GMDS: variants seen among roughly 807,000 people sequenced by gnomAD.
GMDS encodes the protein GDP-mannose 4,6 dehydratase.
A neutral mutation model predicts 49.9 loss-of-function variants in GMDS; 20 were observed. The ratio of observed to expected loss-of-function variants is 0.40; its 90% CI spans 0.28 to 0.58. The LOEUF (loss-of-function observed/expected upper bound fraction) is 0.58. Among genes scored for constraint, GMDS ranks in the 20% least tolerant of loss-of-function variants. The probability of loss-of-function intolerance (pLI) is 0.42; values close to 1 mark genes in which losing one functional copy is unlikely to be tolerated. For synonymous variants in GMDS, 177 were observed against 178.6 expected (o/e 0.99, Z 0.07); for missense variants, 362 against 481.4 (o/e 0.75, Z 2.32).
chr6:2,098,255 G>A (rs1489664845), intron 4 of GMDS, among the ~76,000 whole-genome samples: 2 of 152,092 alleles, frequency 1.3e-5, no homozygotes, highest in Admixed American at 6.5e-5. Flanking sequence ...ATGGTGTTTC[G>A]CCATGTTGGC....
intron 1 of GMDS, among the ~76,000 whole-genome samples, chr6:2,153,751 C>T (rs992474864): frequency 2.0e-5 from 3 of 152,002 alleles, no homozygotes; most frequent in African/African-American, 4.8e-5. Context: ...GAAAAATTAC[C>T]CTCTGACCCA....
intron 1 of GMDS, among the ~76,000 whole-genome samples, chr6:2,215,184 G>A (rs1487581957): frequency 2.0e-5 from 3 of 152,120 alleles, no homozygotes; most frequent in Non-Finnish European, 1.5e-5. Context: ...TCAACAAACA[G>A]ATTATAAGAG....
intron 1 of GMDS, among the ~76,000 whole-genome samples, chr6:2,194,384 T>C (rs1561647133): frequency 6.6e-6 from 1 of 152,232 alleles, no homozygotes; most frequent in Non-Finnish European, 1.5e-5. Flanking sequence ...GAAAATATGC[T>C]TCATGATTCT....
At position 1,777,834 on chromosome 6, in the gene GMDS, CCA is replaced by C. The variant is rs1479737671; in HGVS notation, c.772-35250_772-35249del. Among the ~76,000 whole-genome samples the C allele has an allele frequency of 2.0e-5, 3 of 152,024 alleles. No individual in the cohort carries two copies. In the East Asian group the frequency reaches 5.8e-4, roughly 29 times the overall value. ...CAGACGGCTCACCATGAATAACGAA[CCA>C]GGGAATTAAAAGCTTTAAACCTGTT... On this transcript the variant is annotated intron_variant, in intron 7 of 10. Coordinates refer to ENST00000380815, the MANE Select transcript of GMDS (RefSeq NM_001500.4).
At chr6:1,910,240 A>AT (rs1265105571) in intron 7 of GMDS, among the ~76,000 whole-genome samples, 1 of 149,396 alleles carries the variant, frequency 6.7e-6, no homozygotes, top group African/African-American at 2.5e-5. Context: ...TTTCTATAGT[A>AT]TTTTTTGTCC....
chr6:1,629,392 A>G (rs1458365930), intron 9 of GMDS, among the ~76,000 whole-genome samples: 1 of 152,118 alleles, frequency 6.6e-6, no homozygotes, highest in African/African-American at 2.4e-5. Context: ...AGAGAGGAGA[A>G]GAAAACAGCA....
intron 9 of GMDS, among the ~76,000 whole-genome samples, chr6:1,697,816 ACGAGAGGAAGCTTT>A (rs1765395927): frequency 6.6e-6 from 1 of 152,206 alleles, no homozygotes; most frequent in African/African-American, 2.4e-5. Flanking sequence ...ATGCAAGCTC[ACGAGAGGAAGCTTT>A]CTTCCTTTGT....
chr6:2,181,111 C>G (rs1351267818), intron 1 of GMDS, among the ~76,000 whole-genome samples: 3 of 140,016 alleles, frequency 2.1e-5, no homozygotes, highest in South Asian at 4.6e-4. Flanking sequence ...GGTGGTGGAG[C>G]TTGCAGTGAG....
intron 9 of GMDS, among the ~76,000 whole-genome samples, chr6:1,695,394 T>C (rs1280909004): frequency 1.3e-5 from 2 of 152,178 alleles, no homozygotes; most frequent in Non-Finnish European, 2.9e-5. Context: ...TACAAAATCA[T>C]AGTTATCTTA....
chr6:2,018,954 C>G (rs1385301912), intron 4 of GMDS, among the ~76,000 whole-genome samples: 5 of 152,014 alleles, frequency 3.3e-5, no homozygotes, highest in African/African-American at 1.2e-4. Context: ...TTCACACCAG[C>G]AGTGTATGAA....
intron 4 of GMDS, among the ~76,000 whole-genome samples, chr6:2,000,029 C>T (rs57008691): frequency 5.0e-4 from 4 of 8,050 alleles, no homozygotes; most frequent in African/African-American, 5.4e-4. Context: ...ATATATATAT[C>T]TATATCTTTT....
At chr6:1,713,741 A>G (rs1181043841) in intron 9 of GMDS, among the ~76,000 whole-genome samples, 1 of 152,156 alleles carries the variant, frequency 6.6e-6, no homozygotes, top group African/African-American at 2.4e-5. Context: ...AAAATCAGCA[A>G]CTGTTTTTAT....
intron 9 of GMDS, among the ~76,000 whole-genome samples, chr6:1,698,697 C>T (rs930227795): frequency 5.3e-5 from 8 of 152,082 alleles, no homozygotes; most frequent in Admixed American, 2.6e-4. Flanking sequence ...TGGGGGCCAT[C>T]CGGCCCCAGT....
At chr6:1,872,120 C>T (rs1281037209) in intron 7 of GMDS, among the ~76,000 whole-genome samples, 1 of 152,206 alleles carries the variant, frequency 6.6e-6, no homozygotes, top group Admixed American at 6.5e-5. Flanking sequence ...CAGTTGTCAC[C>T]CTCCCTGTCT....
At chr6:1,867,082 C>T in intron 7 of GMDS, among the ~76,000 whole-genome samples, 1 of 152,170 alleles carries the variant, frequency 6.6e-6, no homozygotes, top group East Asian at 1.9e-4. Context: ...AATTCACTGA[C>T]AATAATTTAC....
rs531707960 is a variant in GMDS, at chr6:2,121,853, T to C, written c.147+2834A>G. ...CCCCACCAACCTGGCCCTGCTCTCC[T>C]GCATGCTCCCCTCCAGGTGACTGTG... On this transcript the variant is annotated intron_variant, in intron 2 of 10. Transcript: ENST00000380815. Among the ~76,000 whole-genome samples, 243 of 152,328 alleles carry C rather than the reference T, an allele frequency of 1.6e-3. 1 individual carries two copies. Among genetic ancestry groups the C allele is most frequent in the Non-Finnish European group, 2.5e-3 (168 of 68,026 alleles).
rs369243859 is a variant in GMDS, at chr6:1,700,534, C to T, written c.987+25882G>A. 5.4e-4 allele frequency among the ~76,000 whole-genome samples: 82 copies of T among 152,246 alleles called. 1 individual carries two copies. Among genetic ancestry groups the T allele is most frequent in the South Asian group, 1.7e-3 (8 of 4,814 alleles). On this transcript the variant is annotated intron_variant, in intron 9 of 10. Coordinates refer to ENST00000380815, the MANE Select transcript of GMDS (RefSeq NM_001500.4). Reference sequence around the variant, plus strand: ...AAGCAGCTCTACAGTCTTCTGGTTCCGAGGCACCCTCAGCAGAGTCAGGAG... The same window carrying T: ...AAGCAGCTCTACAGTCTTCTGGTTCTGAGGCACCCTCAGCAGAGTCAGGAG...
At chr6:1,986,029 C>T (rs1296409373) in intron 4 of GMDS, among the ~76,000 whole-genome samples, 1 of 152,144 alleles carries the variant, frequency 6.6e-6, no homozygotes, top group African/African-American at 2.4e-5. Flanking sequence ...ATATTTATGA[C>T]CCTTTGAAAA....
At chr6:1,683,608 G>A (rs561751817) in intron 9 of GMDS, among the ~76,000 whole-genome samples, 59 of 152,302 alleles carry the variant, frequency 3.9e-4, no homozygotes, top group Non-Finnish European at 7.1e-4. Flanking sequence ...GGCTTTCAAG[G>A]ATGAGGATCG....
Sources: allele counts gnomAD v4.1 joint callset (sites outside exome capture counted in the v4.1 genomes callset), GRCh38; gene constraint gnomAD v4.1.1; transcripts MANE v1.5; gene names NCBI Gene and HGNC (gene_info 2026-07-23, HGNC 2026-07-21).